Variants in PPM1H observed in about 807,000 individuals in gnomAD.
The protein encoded by PPM1H is protein phosphatase 1H.
A neutral mutation model predicts 54.9 loss-of-function variants in PPM1H; 27 were observed. The observed-to-expected ratio is 0.49, with a 90% CI of 0.36 to 0.68. The LOEUF (loss-of-function observed/expected upper bound fraction) is 0.68. Among genes scored for constraint, PPM1H ranks in the 30% least tolerant of loss-of-function variants. The pLI, the probability that PPM1H is intolerant of heterozygous loss-of-function variation, is 0.00. For missense variants in PPM1H, 596 were observed against 667.8 expected (o/e 0.89, Z 1.19); for synonymous variants, 305 against 270.8 (o/e 1.13, Z -1.24).
intron 1 of PPM1H, among the ~76,000 whole-genome samples, chr12:62,834,263 C>A (rs1868434375): frequency 6.6e-6 from 1 of 152,066 alleles, no homozygotes; most frequent in African/African-American, 2.4e-5. Flanking sequence ...TCTTGTCCCA[C>A]CTTCAAGGAA....
intron 2 of PPM1H, among the ~76,000 whole-genome samples, chr12:62,804,967 G>A (rs894850501): frequency 1.1e-4 from 17 of 152,050 alleles, no homozygotes; most frequent in Admixed American, 4.6e-4. Flanking sequence ...GAGCCACCGC[G>A]CCCGGCCCAT....
chr12:62,686,138 C>T (rs2076050038), intron 8 of PPM1H, among the ~76,000 whole-genome samples: 1 of 152,162 alleles, frequency 6.6e-6, no homozygotes, highest in Admixed American at 6.5e-5. Flanking sequence ...GGTTTCTCAC[C>T]AACCACCTGG....
chr12:62,894,017 C>T (rs1870893203), intron 1 of PPM1H, among the ~76,000 whole-genome samples: 1 of 152,104 alleles, frequency 6.6e-6, no homozygotes, highest in Non-Finnish European at 1.5e-5. Context: ...TTCACACTAG[C>T]TAGACGTGCG....
intron 4 of PPM1H, among the ~76,000 whole-genome samples, chr12:62,769,349 C>G (rs1296442352): frequency 6.6e-6 from 1 of 152,170 alleles, no homozygotes; most frequent in Non-Finnish European, 1.5e-5. Flanking sequence ...TTTTAAGTGG[C>G]AGAATCCTGA....
At chr12:62,686,369 A>ACTCACGCCTGTAATCCCAGCACTTTG (rs1304334469) in intron 8 of PPM1H, among the ~76,000 whole-genome samples, 1 of 152,228 alleles carries the variant, frequency 6.6e-6, no homozygotes, top group African/African-American at 2.4e-5. Context: ...TGCTTTAAGG[A>ACTCACGCCTGTAATCCCAGCACTTTG]GCAAAATCAA....
chr12:62,843,469 T>C (rs958126110), intron 1 of PPM1H, among the ~76,000 whole-genome samples: 3 of 152,244 alleles, frequency 2.0e-5, no homozygotes, highest in African/African-American at 7.2e-5. Context: ...TTTAGGTAAA[T>C]GTCCTAGGTG....
chr12:62,767,036 T>C (rs973700747), intron 4 of PPM1H, among the ~76,000 whole-genome samples: 1 of 152,028 alleles, frequency 6.6e-6, no homozygotes, highest in Admixed American at 6.6e-5. Context: ...AATGATCAAG[T>C]GTGAGGGAAG....
In PPM1H at chr12:62,844,721, G is replaced by A. The variant is rs137871942; in HGVS notation, c.246-12442C>T. On this transcript the variant is annotated intron_variant, in intron 1 of 9. Coordinates refer to ENST00000228705, the MANE Select transcript of PPM1H (RefSeq NM_020700.2). The surrounding 1 kb of genome is among the most constrained non-coding windows in gnomAD (Gnocchi z 5.2). ...CTCCCTATCTCAAATCACATAGCAC[G>A]GAGTAGGTACTCGATAAATGTTAAT... Among the ~76,000 whole-genome samples, 88 of 152,216 alleles carry A rather than the reference G, an allele frequency of 5.8e-4. No individual in the cohort carries two copies. The highest frequency in any genetic ancestry group is 3.4e-3 in the Middle Eastern group (1 of 294).
At chr12:62,781,247 T>C (rs2076640355) in intron 4 of PPM1H, among the ~76,000 whole-genome samples, 1 of 152,162 alleles carries the variant, frequency 6.6e-6, no homozygotes, top group African/African-American at 2.4e-5. Context: ...AACTCTACTC[T>C]TCAGAGGAAC....
intron 1 of PPM1H, among the ~76,000 whole-genome samples, chr12:62,907,059 C>G (rs777153306): frequency 2.6e-5 from 4 of 152,214 alleles, no homozygotes; most frequent in Non-Finnish European, 4.4e-5. Context: ...CAAGATCGAT[C>G]ACCTCCAAAT....
intron 2 of PPM1H, among the ~76,000 whole-genome samples, chr12:62,828,994 T>C (rs1868322069): frequency 6.6e-6 from 1 of 151,880 alleles, no homozygotes; most frequent in African/African-American, 2.4e-5. Context: ...CCCCTCTCCA[T>C]TGTTGGTAGG....
rs112012077 is a variant in PPM1H, at chr12:62,854,951, A to G, written c.246-22672T>C. Among the ~76,000 whole-genome samples, 542 of 152,306 alleles carry G rather than the reference A, an allele frequency of 3.6e-3. 3 individuals are homozygous for G. Among genetic ancestry groups the G allele is most frequent in the African/African-American group, 0.012 (506 of 41,574 alleles). The stretch of plus-strand genomic sequence containing the variant: ...TATGACCCTGACCCTCACCCACAGT[A>G]TAGGCTTAGTATAAGCTTCAGGGAT... On this transcript the variant is annotated intron_variant, in intron 1 of 9. Coordinates refer to ENST00000228705, the MANE Select transcript of PPM1H (RefSeq NM_020700.2).
rs1316738897 is a variant in PPM1H, at chr12:62,896,946, T to C, written c.245+37546A>G. Among the ~76,000 whole-genome samples the C allele has an allele frequency of 2.0e-5, 3 of 152,024 alleles. 1 individual carries two copies. Among genetic ancestry groups the C allele is most frequent in the South Asian group, 4.1e-4 (2 of 4,824 alleles). On this transcript the variant is annotated intron_variant, in intron 1 of 9. Coordinates refer to ENST00000228705, the MANE Select transcript of PPM1H (RefSeq NM_020700.2). Reference sequence around the variant, plus strand: ...TAAAAAAGGATGAGTTCATGTCCTTTGTAGGGACATGGATGAAGCTGGAAA... The same window carrying C: ...TAAAAAAGGATGAGTTCATGTCCTTCGTAGGGACATGGATGAAGCTGGAAA...
At chr12:62,685,015 C>G (rs961504173) in intron 8 of PPM1H, among the ~76,000 whole-genome samples, 4 of 152,084 alleles carry the variant, frequency 2.6e-5, no homozygotes, top group Non-Finnish European at 5.9e-5. Flanking sequence ...AACAGTTCCA[C>G]CCCCTCCCCC....
At position 62,701,082 on chromosome 12, in the gene PPM1H, C is replaced by G. The variant is rs192432549; in HGVS notation, c.1074-7083G>C. ...CTCCTATACCTACAAGAGTGCTCAA[C>G]ATATAATGGGTACCCAATAAATATT... On this transcript the variant is annotated intron_variant, in intron 6 of 9. Transcript: ENST00000228705. Among the ~76,000 whole-genome samples the G allele has an allele frequency of 7.0e-3, 1,060 of 152,350 alleles. 14 individuals carry two copies. The highest frequency in any genetic ancestry group is 7.9e-3 in the Non-Finnish European group (536 of 68,042).
chr12:62,683,847 C>T (rs949740523), intron 8 of PPM1H, among the ~76,000 whole-genome samples: 18 of 152,140 alleles, frequency 1.2e-4, no homozygotes, highest in Non-Finnish European at 2.2e-4. Flanking sequence ...CCTAGCTCTA[C>T]GGAGGGCCTG....
intron 1 of PPM1H, among the ~76,000 whole-genome samples, chr12:62,863,312 A>T (rs1385502068): frequency 1.3e-5 from 2 of 152,134 alleles, no homozygotes; most frequent in Admixed American, 6.5e-5. Flanking sequence ...TACAGGCATG[A>T]GCGACTGTGC....
At position 62,802,111 on chromosome 12, in the gene PPM1H, G is replaced by C; in HGVS notation, c.461C>G (p.Ala154Gly). ...CGCCACCACCGCGGCCCCGGACCCCGCGTGCCCGTCAAACAGCGACCAATA... is the reference window on the plus strand; with the variant it reads ...CGCCACCACCGCGGCCCCGGACCCCCCGTGCCCGTCAAACAGCGACCAATA... ...CHYWSLFDGH[A>G]GSGAAVVASR... Residue 154 changes from alanine (A) to glycine (G), a missense_variant, in exon 3 of 10, where the codon GCG (alanine) becomes GGG (glycine). This residue lies in a region of PPM1H where 382 missense variants were observed against 387.1 expected (regional missense o/e 0.99). Transcript: ENST00000228705. The C allele has an allele frequency of 6.3e-7, 1 of 1,599,060 alleles. No homozygotes were observed. The highest frequency in any genetic ancestry group is 8.5e-7 in the Non-Finnish European group (1 of 1,172,166).
intron 1 of PPM1H, among the ~76,000 whole-genome samples, chr12:62,918,031 G>A (rs1159220897): frequency 6.6e-6 from 1 of 152,198 alleles, no homozygotes; most frequent in East Asian, 1.9e-4. Context: ...CCACTGAAAA[G>A]TCAGTAGAAA....
Sources: allele counts gnomAD v4.1 joint callset (sites outside exome capture counted in the v4.1 genomes callset), GRCh38; gene constraint gnomAD v4.1.1; regional missense constraint gnomAD v4.1.1; non-coding constraint Gnocchi (gnomAD v3.1); transcripts MANE v1.5; gene names NCBI Gene and HGNC (gene_info 2026-07-23, HGNC 2026-07-21).